The following ADAMTSL1 variants were observed in gnomAD, a reference collection of about 807,000 sequenced individuals.
The protein encoded by ADAMTSL1 is ADAMTS-like protein 1.
A neutral mutation model predicts 201.8 loss-of-function variants in ADAMTSL1; 126 were observed. The observed-to-expected ratio is 0.62, with a 90% CI of 0.54 to 0.72. The LOEUF is 0.72. ADAMTSL1 is among the 30% of genes least tolerant of loss of function. ADAMTSL1 has a pLI of 0.00. For synonymous variants in ADAMTSL1, 1,121 were observed against 903.4 expected (o/e 1.24, Z -4.32); for missense variants, 2,679 against 2,277.8 (o/e 1.18, Z -3.59).
intron 23 of ADAMTSL1, among the ~76,000 whole-genome samples, chr9:18,866,965 G>A (rs1265599739): frequency 6.6e-6 from 1 of 152,212 alleles, no homozygotes; most frequent in Non-Finnish European, 1.5e-5. Context: ...GAAGAGGCAA[G>A]AGGAACAAAT....
At chr9:18,869,574 G>C (rs1462301554) in intron 23 of ADAMTSL1, among the ~76,000 whole-genome samples, 1 of 152,156 alleles carries the variant, frequency 6.6e-6, no homozygotes, top group Non-Finnish European at 1.5e-5. Flanking sequence ...TTTAAAGGAG[G>C]GTTTATCTAG....
At chr9:18,425,148 C>T (rs538708339) in intron 2 of ADAMTSL1, among the ~76,000 whole-genome samples, 48 of 152,032 alleles carry the variant, frequency 3.2e-4, no homozygotes, top group African/African-American at 9.9e-4. Flanking sequence ...CTCTCTCTCC[C>T]CCTCCACTCC....
intron 4 of ADAMTSL1, among the ~76,000 whole-genome samples, chr9:18,587,310 A>G (rs1419228336): frequency 6.6e-6 from 1 of 152,156 alleles, no homozygotes; most frequent in Non-Finnish European, 1.5e-5. Context: ...GAACAGGCAC[A>G]TTTCAAAAGA....
chr9:18,418,348 C>T (rs1265175474), intron 2 of ADAMTSL1, among the ~76,000 whole-genome samples: 7 of 152,114 alleles, frequency 4.6e-5, no homozygotes, highest in Admixed American at 3.9e-4. Flanking sequence ...CAACATTGTA[C>T]TGGGAGTCCT....
At chr9:18,388,117 C>G (rs548118119) in intron 2 of ADAMTSL1, among the ~76,000 whole-genome samples, 76 of 151,914 alleles carry the variant, frequency 5.0e-4, no homozygotes, top group African/African-American at 1.8e-3. Context: ...TTTTTAAATC[C>G]TATATTTTGA....
intron 14 of ADAMTSL1, among the ~76,000 whole-genome samples, chr9:18,708,590 G>A (rs1203822451): frequency 6.6e-6 from 1 of 152,248 alleles, no homozygotes; most frequent in Non-Finnish European, 1.5e-5. Context: ...AGATCAGGTA[G>A]AAAGGCTGTT....
At chr9:18,640,000 A>C (rs997300974) in intron 7 of ADAMTSL1, among the ~76,000 whole-genome samples, 5 of 152,122 alleles carry the variant, frequency 3.3e-5, no homozygotes, top group African/African-American at 1.2e-4. Context: ...TTTTTCCTTC[A>C]GTAGGTCAGG....
intron 14 of ADAMTSL1, chr9:18,718,195 T>C (rs1833082897): frequency 3.8e-6 from 3 of 781,292 alleles, no homozygotes; most frequent in Non-Finnish European, 4.7e-6. Flanking sequence ...CCAACAAGAA[T>C]CATTGGAACA....
intron 14 of ADAMTSL1, among the ~76,000 whole-genome samples, chr9:18,709,648 G>C (rs1275750524): frequency 1.3e-5 from 2 of 152,184 alleles, no homozygotes; most frequent in African/African-American, 4.8e-5. Flanking sequence ...TTTTCTGGAA[G>C]ATCGAACGCA....
chr9:18,790,113 A>G (rs555253627), intron 19 of ADAMTSL1, among the ~76,000 whole-genome samples: 2 of 152,342 alleles, frequency 1.3e-5, no homozygotes, highest in South Asian at 4.1e-4. Flanking sequence ...ATCATTTATT[A>G]GCTTTATCTG....
chr9:18,031,358 T>C (rs1220760452), intron 1 of ADAMTSL1, among the ~76,000 whole-genome samples: 1 of 152,102 alleles, frequency 6.6e-6, no homozygotes, highest in Non-Finnish European at 1.5e-5. Flanking sequence ...GCCTTGACTG[T>C]GGTGTGTTGT....
At chr9:18,283,570 C>T (rs1037649047) in intron 2 of ADAMTSL1, among the ~76,000 whole-genome samples, 10 of 118,282 alleles carry the variant, frequency 8.5e-5, no homozygotes, top group African/African-American at 3.0e-4. Flanking sequence ...TGCACCACTG[C>T]AAACCACAGT....
At chr9:18,718,023 T>C in intron 14 of ADAMTSL1, 5 of 1,593,174 alleles carry the variant, frequency 3.1e-6, no homozygotes, top group Non-Finnish European at 4.3e-6. Flanking sequence ...GGCACTGGAG[T>C]TTTTCTGTTA....
chr9:18,501,645 G>A (rs1346608262), intron 1 of ADAMTSL1, among the ~76,000 whole-genome samples: 2 of 152,066 alleles, frequency 1.3e-5, no homozygotes, highest in African/African-American at 4.8e-5. Context: ...TAATCAGAAA[G>A]GCATCTCTAA....
intron 23 of ADAMTSL1, among the ~76,000 whole-genome samples, chr9:18,842,370 A>T (rs1825776505): frequency 1.3e-5 from 2 of 152,060 alleles, no homozygotes; most frequent in Admixed American, 6.5e-5. Flanking sequence ...CTTAATCCTG[A>T]GTTCTAGTTT....
At chr9:17,976,325 A>G (rs1818445538) in intron 1 of ADAMTSL1, among the ~76,000 whole-genome samples, 1 of 151,986 alleles carries the variant, frequency 6.6e-6, no homozygotes, top group African/African-American at 2.4e-5. Flanking sequence ...AGTATGGGCA[A>G]TTTAACAGTA....
intron 2 of ADAMTSL1, among the ~76,000 whole-genome samples, chr9:18,242,026 C>A (rs530475425): frequency 8.5e-5 from 13 of 152,156 alleles, no homozygotes; most frequent in African/African-American, 2.9e-4. Context: ...CCACCATCAC[C>A]TTGATACCTA....
At chr9:18,012,727 A>G (rs968010039) in intron 1 of ADAMTSL1, among the ~76,000 whole-genome samples, 1 of 151,996 alleles carries the variant, frequency 6.6e-6, no homozygotes, top group Non-Finnish European at 1.5e-5. Flanking sequence ...AGTCCCCTAG[A>G]ATACTTTGAT....
intron 5 of ADAMTSL1, among the ~76,000 whole-genome samples, chr9:18,627,784 A>C (rs2132713401): frequency 6.6e-6 from 1 of 152,314 alleles, no homozygotes; most frequent in East Asian, 1.9e-4. Context: ...TTCCATTAGC[A>C]ACCTTAATTC....
Sources: gnomAD v4.1 joint callset for allele counts (sites outside exome capture counted in the v4.1 genomes callset) on GRCh38, gnomAD v4.1.1 for gene constraint, MANE v1.5 for transcripts, NCBI Gene and HGNC (gene_info 2026-07-23, HGNC 2026-07-21) for gene names.